Variants in OPCML observed in about 807,000 individuals in gnomAD.
OPCML encodes opioid-binding protein/cell adhesion molecule.
Under a neutral mutation model 37.8 loss-of-function variants are expected in OPCML, and 13 were observed. That is an observed-to-expected ratio of 0.34 (90% CI 0.22 to 0.55). The LOEUF is 0.55. Ranked by LOEUF, OPCML falls within the 20% of genes least tolerant of loss-of-function variation. OPCML has a pLI of 0.91. For missense variants in OPCML, 341 were observed against 435.6 expected (o/e 0.78, Z 1.93); for synonymous variants, 176 against 168.8 (o/e 1.04, Z -0.33).
chr11:133,154,364 T>C (rs1950027618), intron 1 of OPCML, among the ~76,000 whole-genome samples: 1 of 152,148 alleles, frequency 6.6e-6, no homozygotes, highest in Admixed American at 6.5e-5. Flanking sequence ...TAAAAGTGCA[T>C]GTTTTAGTGG....
intron 1 of OPCML, among the ~76,000 whole-genome samples, chr11:132,999,562 A>T (rs1946953700): frequency 7.7e-6 from 1 of 130,142 alleles, no homozygotes. Flanking sequence ...CAAGTGACAA[A>T]TGGGGTCGGG....
chr11:132,779,121 C>G (rs954204692), intron 2 of OPCML, among the ~76,000 whole-genome samples: 3 of 151,944 alleles, frequency 2.0e-5, no homozygotes, highest in African/African-American at 7.3e-5. Context: ...GCACCTGCCA[C>G]CAGCCCCAGC....
At chr11:132,875,045 GT>G (rs1460346867) in intron 2 of OPCML, among the ~76,000 whole-genome samples, 2 of 152,136 alleles carry the variant, frequency 1.3e-5, no homozygotes, top group African/African-American at 4.8e-5. Context: ...ATCTACGCAA[GT>G]TTTTAAGCAT....
At chr11:132,676,543 G>A (rs1942708998) in intron 2 of OPCML, among the ~76,000 whole-genome samples, 1 of 151,670 alleles carries the variant, frequency 6.6e-6, no homozygotes, top group South Asian at 2.1e-4. Context: ...TATCTGATAA[G>A]TGACTTGTTT....
chr11:132,726,148 G>A (rs1025447639), intron 2 of OPCML, among the ~76,000 whole-genome samples: 23 of 152,086 alleles, frequency 1.5e-4, no homozygotes, highest in Non-Finnish European at 2.5e-4. Flanking sequence ...TTTCAGCAGC[G>A]CCCCACTCTA....
chr11:133,385,486 G>GA (rs1290988359), intron 1 of OPCML, among the ~76,000 whole-genome samples: 1 of 152,126 alleles, frequency 6.6e-6, no homozygotes, highest in Admixed American at 6.5e-5. Context: ...CTCAAGCCGA[G>GA]AAAAACACTC....
chr11:132,471,140 C>T (rs777588698), intron 4 of OPCML, among the ~76,000 whole-genome samples: 1 of 152,036 alleles, frequency 6.6e-6, no homozygotes, highest in African/African-American at 2.4e-5. Flanking sequence ...TCAATACAGC[C>T]CTTGATAAAG....
intron 1 of OPCML, among the ~76,000 whole-genome samples, chr11:133,107,334 G>A (rs1302271806): frequency 6.6e-6 from 1 of 152,198 alleles, no homozygotes. Context: ...ATAACGGGGA[G>A]GGAGAGACTC....
chr11:133,070,520 T>C (rs911238975), intron 1 of OPCML, among the ~76,000 whole-genome samples: 8 of 152,124 alleles, frequency 5.3e-5, no homozygotes, highest in Non-Finnish European at 1.5e-5. Context: ...TTCTATTGCC[T>C]ATGGACGAAG....
intron 1 of OPCML, among the ~76,000 whole-genome samples, chr11:133,290,997 A>G (rs1284655926): frequency 6.6e-6 from 1 of 152,232 alleles, no homozygotes; most frequent in African/African-American, 2.4e-5. Context: ...GGTGAATATT[A>G]TCAGCCGCAG....
chr11:132,901,171 C>T (rs1283630961), intron 2 of OPCML, among the ~76,000 whole-genome samples: 1 of 152,012 alleles, frequency 6.6e-6, no homozygotes, highest in East Asian at 1.9e-4. Context: ...CACAGCAAGA[C>T]TCTGTCTCTC....
chr11:133,217,758 G>T (rs1173812432), intron 1 of OPCML, among the ~76,000 whole-genome samples: 1 of 152,164 alleles, frequency 6.6e-6, no homozygotes, highest in Non-Finnish European at 1.5e-5. Flanking sequence ...TCCTGCCAAA[G>T]AAGTTTTGCT....
intron 1 of OPCML, among the ~76,000 whole-genome samples, chr11:133,079,102 G>T (rs1368532655): frequency 6.6e-6 from 1 of 151,710 alleles, no homozygotes; most frequent in Non-Finnish European, 1.5e-5. Flanking sequence ...CCACATACAC[G>T]CCCGCCTGAA....
chr11:132,912,552 A>G (rs1944461309), intron 2 of OPCML, among the ~76,000 whole-genome samples: 1 of 152,250 alleles, frequency 6.6e-6, no homozygotes, highest in Non-Finnish European at 1.5e-5. Context: ...TGCAATCTAT[A>G]TACTTACAAA....
At chr11:133,069,646 C>G (rs1948493794) in intron 1 of OPCML, among the ~76,000 whole-genome samples, 1 of 152,154 alleles carries the variant, frequency 6.6e-6, no homozygotes, top group African/African-American at 2.4e-5. Context: ...TGTGTGAGAG[C>G]ATGTGTGTGT....
At chr11:132,592,547 T>A (rs139365810) in intron 3 of OPCML, among the ~76,000 whole-genome samples, 1 of 152,296 alleles carries the variant, frequency 6.6e-6, no homozygotes, top group African/African-American at 2.4e-5. Context: ...TATAAACTAG[T>A]GGTTTACCTT....
chr11:133,015,479 T>TGAAG (rs1185070828), intron 1 of OPCML, among the ~76,000 whole-genome samples: 6 of 119,208 alleles, frequency 5.0e-5, no homozygotes, highest in Middle Eastern at 4.4e-3. Flanking sequence ...AAGGAAGGAA[T>TGAAG]GAAGGAAGGA....
chr11:133,458,846 T>TACAC (rs766549488), intron 1 of OPCML, among the ~76,000 whole-genome samples: 4,354 of 149,382 alleles, frequency 0.029, 501 homozygotes, highest in African/African-American at 0.079. Context: ...TACACATAGA[T>TACAC]GCACGTGTGT....
chr11:133,269,769 C>T (rs952253193), intron 1 of OPCML, among the ~76,000 whole-genome samples: 1 of 152,142 alleles, frequency 6.6e-6, no homozygotes, highest in African/African-American at 2.4e-5. Flanking sequence ...GAAGCATTAT[C>T]GATAAGATTA....
Sources: allele counts gnomAD v4.1 joint callset (sites outside exome capture counted in the v4.1 genomes callset), GRCh38; gene constraint gnomAD v4.1.1; transcripts MANE v1.5; gene names NCBI Gene and HGNC (gene_info 2026-07-23, HGNC 2026-07-21).